Variants in C11orf91 observed in about 807,000 individuals in gnomAD.
C11orf91 encodes chromosome 11 open reading frame 91.
A neutral mutation model predicts 14.3 loss-of-function variants in C11orf91; 10 were observed. That is an observed-to-expected ratio of 0.70 (90% confidence interval 0.43 to 1.18). The LOEUF (loss-of-function observed/expected upper bound fraction) is 1.18, where lower values mean the gene tolerates loss of function less well. C11orf91 is among the 50% of genes most tolerant of loss of function. The pLI, the probability that C11orf91 is intolerant of heterozygous loss-of-function variation, is 0.00. For synonymous variants in C11orf91, 141 were observed against 130.6 expected, an observed-to-expected ratio of 1.08 and a Z score of -0.54; for missense variants, 236 against 269.0, an observed-to-expected ratio of 0.88 and a Z score of 0.86.
At chr11:33,701,754 A>AGTGTGT (rs35903408), upstream of C11orf91, among the ~76,000 whole-genome samples, 2,965 of 148,998 alleles carry the variant, frequency 0.02, 47 homozygotes, top group Non-Finnish European at 0.029. Flanking sequence ...CACAGTGCAA[A>AGTGTGT]GTGTGTGTGT....
intron 1 of C11orf91, among the ~76,000 whole-genome samples, chr11:33,700,010 A>G (rs1197468875): frequency 6.6e-6 from 1 of 150,944 alleles, no homozygotes; most frequent in East Asian, 1.9e-4. Context: ...AGGGTTTAGG[A>G]CGGAGGGAGG....
At chr11:33,701,755 G>A (rs1853130918), upstream of C11orf91, among the ~76,000 whole-genome samples, 1 of 17,292 alleles carries the variant, frequency 5.8e-5, no homozygotes, top group African/African-American at 5.0e-4. Flanking sequence ...ACAGTGCAAA[G>A]TGTGTGTGTG....
At chr11:33,698,536 T>C in intron 1 of C11orf91, 22 bp from the exon 2 acceptor site, 1 of 1,503,686 alleles carries the variant, frequency 6.7e-7, no homozygotes, top group Non-Finnish European at 9.0e-7. Context: ...CAAAACAAAC[T>C]TAGCCGTAAT....
In C11orf91 at chr11:33,700,558, C is replaced by T. The variant is rs1237027929; in HGVS notation, c.183G>A (p.Gly61=). 4.9e-6 allele frequency: 7 copies of T among 1,441,842 alleles called. No individual in the cohort carries two copies. In the Admixed American group the frequency reaches 1.3e-4, roughly 26 times the overall value. 89.3% of individuals were successfully genotyped at this position (1,441,842 alleles called of 1,614,324 possible). ...AGGAPVGGAA[G]ARSLSQALPA... ...GGAGCGCCTGGGACAGGGACCGGGC[C>T]CCCGCCGCCCCGCCCACTGGCGCCC... is the stretch of plus-strand genomic sequence containing the variant. The change falls in exon 1 of 2, where the codon GGG becomes GGA. Residue 61 remains glycine, a synonymous_variant. Transcript: ENST00000379011.
upstream of C11orf91, chr11:33,702,719 C>T (rs1449070012): frequency 5.1e-6 from 2 of 393,564 alleles, no homozygotes; most frequent in East Asian, 1.8e-4. Flanking sequence ...GTTTAATTCT[C>T]AGGCCCCAGG....
At chr11:33,700,136 A>C (rs12277649) in intron 1 of C11orf91, 109 bp downstream of exon 1, 26,142 of 1,214,740 alleles carry the variant, frequency 0.022, 691 homozygotes, top group African/African-American at 0.12. Flanking sequence ...ATCTGGGACT[A>C]CTGGGGGCTG....
At chr11:33,699,769 C>T in intron 1 of C11orf91, 1 of 385,394 alleles carries the variant, frequency 2.6e-6, no homozygotes, top group Non-Finnish European at 5.2e-6. Context: ...CCTTGTGGTT[C>T]TTGCACAACT....
upstream of C11orf91, chr11:33,703,024 G>T (rs902803837): frequency 2.0e-5 from 3 of 152,204 alleles, no homozygotes; most frequent in Non-Finnish European, 4.4e-5. Context: ...AAGGAAAAGA[G>T]ATTTTGCGTT....
At chr11:33,703,866 T>C (rs1213976860), upstream of C11orf91, 2 of 152,272 alleles carry the variant, frequency 1.3e-5, no homozygotes, top group African/African-American at 4.8e-5. Context: ...TCACTCTCTA[T>C]TTAACCGAGG....
chr11:33,700,465 CGAGGGCCAGGGG>C lies in C11orf91; in HGVS notation c.264_275del (p.Pro93_Ser96del). 8.3e-7 allele frequency: 1 copy of C among 1,206,418 alleles called. No homozygotes were observed. 74.7% of individuals were successfully genotyped at this position (1,206,418 alleles called of 1,614,324 possible). ...TGGAGGCCAGGCCGGAGGGCCAGGG[CGAGGGCCAGGGG>C]CGCTCGCTGGAGGGACCCAGGCCGG... On this transcript the variant is annotated inframe_deletion, in exon 1 of 2. Transcript: ENST00000379011.
upstream of C11orf91, chr11:33,703,760 C>T (rs1590502058): frequency 6.6e-6 from 1 of 152,094 alleles, no homozygotes; most frequent in Non-Finnish European, 1.5e-5. Context: ...CCTCACCTAT[C>T]GGGGCAGTCA....
rs1175395046 is a variant in C11orf91 at position 33,698,637 on chromosome 11, A to G, written c.497-123T>C. 1.8e-5 allele frequency: 12 copies of G among 678,022 alleles called. 1 individual carries two copies. The Admixed American group carries it at 3.4e-4, about 19-fold the overall frequency. 42.0% of individuals were successfully genotyped at this position (678,022 alleles called of 1,614,324 possible). ...CCTAAAACTCCATTTGTGATCCAAG[A>G]TGGGAGAGAAAAAAACAAAAAACTG... On this transcript the variant is annotated intron_variant, in intron 1 of 1. Coordinates refer to ENST00000379011, the MANE Select transcript of C11orf91 (RefSeq NM_001166692.2).
chr11:33,703,500 C>A (rs1005781801), upstream of C11orf91: 1 of 152,236 alleles, frequency 6.6e-6, no homozygotes, highest in Admixed American at 6.5e-5. Context: ...GTTGGAGCTT[C>A]CTAACGCCCC....
At chr11:33,702,372 C>G (rs1031426243), upstream of C11orf91, among the ~76,000 whole-genome samples, 1 of 152,066 alleles carries the variant, frequency 6.6e-6, no homozygotes, top group Non-Finnish European at 1.5e-5. Context: ...TTTCTTGAAC[C>G]AAGGAGGCTG....
the C11orf91 span, chr11:33,706,351 G>C: frequency 6.6e-6 from 1 of 152,090 alleles, no homozygotes; most frequent in African/African-American, 2.4e-5. Context: ...GAGACTTCTG[G>C]CTAGTTTTCA....
At chr11:33,700,888 G>C (rs552226243), upstream of C11orf91, 112 of 734,052 alleles carry the variant, frequency 1.5e-4, no homozygotes, top group Middle Eastern at 4.3e-4. Flanking sequence ...CTAACAGGCG[G>C]GGTTCCAAAG....
upstream of C11orf91, chr11:33,703,541 G>GAC (rs1164185018): frequency 2.0e-5 from 3 of 152,362 alleles, no homozygotes; most frequent in South Asian, 2.1e-4. Flanking sequence ...AACCAACTGA[G>GAC]AGACACAAGT....
chr11:33,704,333 G>A (rs991975129), upstream of C11orf91: 2 of 152,144 alleles, frequency 1.3e-5, no homozygotes, highest in Non-Finnish European at 2.9e-5. Context: ...AGCAGTGCCA[G>A]GGACAACTAG....
chr11:33,702,671 C>A, upstream of C11orf91: 1 of 318,936 alleles, frequency 3.1e-6, no homozygotes, highest in Non-Finnish European at 6.4e-6. Context: ...CATGTACCTG[C>A]GTAATAAACT....
Sources: allele counts gnomAD v4.1 joint callset (sites outside exome capture counted in the v4.1 genomes callset), GRCh38; gene constraint gnomAD v4.1.1; transcripts MANE v1.5; gene names NCBI Gene and HGNC (gene_info 2026-07-23, HGNC 2026-07-21).